GRAMD1B: variants seen among roughly 807,000 people sequenced by gnomAD.
GRAMD1B encodes the protein GRAM domain containing 1B.
A neutral mutation model predicts 99.7 loss-of-function variants in GRAMD1B; 37 were observed. The observed-to-expected ratio is 0.37, with a 90% confidence interval of 0.29 to 0.49. The LOEUF (loss-of-function observed/expected upper bound fraction) is 0.49. GRAMD1B is among the 20% of genes least tolerant of loss of function. The probability of loss-of-function intolerance (pLI) is 0.98; values close to 1 mark genes in which losing one functional copy is unlikely to be tolerated. For missense variants in GRAMD1B, 888 were observed against 1,009.2 expected, an observed-to-expected ratio of 0.88 and a Z score of 1.63; for synonymous variants, 427 against 387.6, an observed-to-expected ratio of 1.10 and a Z score of -1.19.
At chr11:123,443,670 C>G (rs543273703) in intron 1 of GRAMD1B, among the ~76,000 whole-genome samples, 1 of 152,004 alleles carries the variant, frequency 6.6e-6, no homozygotes, top group South Asian at 2.1e-4. Context: ...GAGGTTGATC[C>G]CCTCCCAGGT....
chr11:123,549,919 A>G (rs1490122287), intron 2 of GRAMD1B, among the ~76,000 whole-genome samples: 3 of 152,096 alleles, frequency 2.0e-5, no homozygotes, highest in African/African-American at 7.2e-5. Context: ...ATGGTCGGAC[A>G]TGTATGGGAA....
chr11:123,593,368 G>A (rs1950897157), intron 4 of GRAMD1B, among the ~76,000 whole-genome samples: 1 of 152,190 alleles, frequency 6.6e-6, no homozygotes, highest in Admixed American at 6.5e-5. Context: ...GTTGCAGTGG[G>A]GGGAAGTGAG....
chr11:123,586,492 G>A (rs1950088536), intron 4 of GRAMD1B, among the ~76,000 whole-genome samples: 1 of 152,220 alleles, frequency 6.6e-6, no homozygotes, highest in Admixed American at 6.5e-5. Context: ...CTTTGCTGAG[G>A]AGTGTGTGGG....
At chr11:123,599,667 T>C (rs1951712296) in intron 7 of GRAMD1B, among the ~76,000 whole-genome samples, 1 of 152,216 alleles carries the variant, frequency 6.6e-6, no homozygotes, top group Admixed American at 6.5e-5. Flanking sequence ...GAGGCAGGGT[T>C]TCGCCATGTT....
intron 2 of GRAMD1B, among the ~76,000 whole-genome samples, chr11:123,511,357 C>T (rs1321293467): frequency 6.6e-6 from 1 of 152,142 alleles, no homozygotes; most frequent in Non-Finnish European, 1.5e-5. Flanking sequence ...AATGGCAGTG[C>T]GGGCCCGGGC....
intron 4 of GRAMD1B, among the ~76,000 whole-genome samples, chr11:123,589,292 A>T (rs543141613): frequency 1.6e-4 from 24 of 152,004 alleles, no homozygotes; most frequent in African/African-American, 4.6e-4. Flanking sequence ...GACATGCTAC[A>T]CCATGAATGG....
chr11:123,527,492 G>A (rs934627575), intron 2 of GRAMD1B, among the ~76,000 whole-genome samples: 4 of 152,116 alleles, frequency 2.6e-5, no homozygotes, highest in Non-Finnish European at 4.4e-5. Context: ...TCCCCCAGCC[G>A]GGAGTTTCTT....
intron 1 of GRAMD1B, among the ~76,000 whole-genome samples, chr11:123,465,554 G>A (rs1950618529): frequency 6.6e-6 from 1 of 151,966 alleles, no homozygotes; most frequent in Admixed American, 6.6e-5. Context: ...ATCACCTGAG[G>A]TCAGGAGTTT....
At chr11:123,480,055 T>A (rs1242549840) in intron 1 of GRAMD1B, among the ~76,000 whole-genome samples, 1 of 152,158 alleles carries the variant, frequency 6.6e-6, no homozygotes, top group East Asian at 1.9e-4. Flanking sequence ...ATGCCAGCAG[T>A]TAGTGTCATG....
intron 2 of GRAMD1B, among the ~76,000 whole-genome samples, chr11:123,499,805 A>G (rs1286411534): frequency 1.3e-5 from 2 of 152,210 alleles, no homozygotes; most frequent in Non-Finnish European, 2.9e-5. Context: ...TTATGTCAGC[A>G]TGATGGACGA....
chr11:123,449,104 AG>A lies in GRAMD1B; in HGVS notation c.374+17940del, dbSNP rs1201793467. ...AACACTGACCTACTTTGCCACCGTAAGGCCTTTTCGTTTGTTTAGTTAGCCT... is the reference window on the plus strand; with the variant it reads ...AACACTGACCTACTTTGCCACCGTAAGCCTTTTCGTTTGTTTAGTTAGCCT... On this transcript the variant is annotated intron_variant, in intron 1 of 19. Transcript: ENST00000635736. Among the ~76,000 whole-genome samples the A allele has an allele frequency of 3.9e-5, 6 of 152,274 alleles. No homozygotes were observed. The East Asian group carries it at 9.7e-4, about 25-fold the overall frequency.
At chr11:123,459,763 C>T (rs1205392132) in intron 1 of GRAMD1B, 1 of 152,234 alleles carries the variant, frequency 6.6e-6, no homozygotes, top group Middle Eastern at 3.4e-3. Context: ...AGTCCTGTTC[C>T]TAAACACACA....
At chr11:123,415,501 C>T (rs961217004) in intron 1 of GRAMD1B, among the ~76,000 whole-genome samples, 2 of 151,060 alleles carry the variant, frequency 1.3e-5, no homozygotes, top group Non-Finnish European at 2.9e-5. Context: ...ACAGCAGAGC[C>T]AGGGGGTGCT....
chr11:123,624,107 G>A lies in GRAMD1B; in HGVS notation c.*1512G>A, dbSNP rs2137189286. 6.6e-6 allele frequency: 1 copy of A among 152,320 alleles called. No homozygotes were observed. The allele number at this position is 152,320 out of a possible 1,614,324, so 9.4% of individuals were successfully genotyped here. Reference sequence around the variant, plus strand: ...AAGAGTCCCACCAGCTCCAGGCAGAGCTTGTGGAGATTCATGAAAGAGTCA... The same window carrying A: ...AAGAGTCCCACCAGCTCCAGGCAGAACTTGTGGAGATTCATGAAAGAGTCA... On this transcript the variant is annotated 3_prime_UTR_variant, in exon 20 of 20. Coordinates refer to ENST00000635736, the MANE Select transcript of GRAMD1B (RefSeq NM_001387025.1).
At chr11:123,431,559 A>T (rs1333637295) in intron 1 of GRAMD1B, among the ~76,000 whole-genome samples, 2 of 152,272 alleles carry the variant, frequency 1.3e-5, no homozygotes, top group African/African-American at 4.8e-5. Flanking sequence ...TCTCTGAGGT[A>T]GGTATTACTA....
rs149954349 is a variant in GRAMD1B, at chr11:123,599,162, C to T, written c.970-1306C>T. ...TTGCCACATAGATCTCATTTGGGTG[C>T]TTCCGGTGGAATTCCTTTATTTGCT... On this transcript the variant is annotated intron_variant, in intron 7 of 19. Transcript: ENST00000635736. 4.8e-5 allele frequency: 38 copies of T among 785,150 alleles called. No homozygotes were observed. The East Asian group carries it at 9.3e-4, about 19-fold the overall frequency. The allele number at this position is 785,150 out of a possible 1,614,324, so 48.6% of individuals were successfully genotyped here.
At chr11:123,539,667 C>T (rs1223472824) in intron 2 of GRAMD1B, among the ~76,000 whole-genome samples, 1 of 152,140 alleles carries the variant, frequency 6.6e-6, no homozygotes, top group Non-Finnish European at 1.5e-5. Context: ...ATACAGTTGA[C>T]ACCCTGAACG....
chr11:123,586,490 A>C (rs144680365), intron 4 of GRAMD1B, among the ~76,000 whole-genome samples: 1,767 of 152,288 alleles, frequency 0.012, 31 homozygotes, highest in African/African-American at 0.04. Context: ...CTCTTTGCTG[A>C]GGAGTGTGTG....
chr11:123,618,400 C>T lies in GRAMD1B; in HGVS notation c.2319-293C>T, dbSNP rs762230247. 8 of 1,587,260 alleles carry T rather than the reference C, an allele frequency of 5.0e-6. No individual in the cohort carries two copies. The Admixed American group carries it at 8.3e-5, about 17-fold the overall frequency. ...CTCCTTTACCCCCTCATCTCTTTTC[C>T]TCCCCACCGTACCTCTCTTCCCCCA... On this transcript the variant is annotated intron_variant, in intron 17 of 19. Coordinates refer to ENST00000635736, the MANE Select transcript of GRAMD1B (RefSeq NM_001387025.1).
Sources: gnomAD v4.1 joint callset for allele counts (sites outside exome capture counted in the v4.1 genomes callset) on GRCh38, gnomAD v4.1.1 for gene constraint, MANE v1.5 for transcripts, NCBI Gene and HGNC (gene_info 2026-07-23, HGNC 2026-07-21) for gene names.